The following ELP2 variants were observed in gnomAD, a reference collection of about 807,000 sequenced individuals.
ELP2 encodes elongator complex protein 2.
ELP2 carries 90 observed loss-of-function variants against 119.2 expected under a neutral mutation model. That is an observed-to-expected ratio of 0.75 (90% CI 0.64 to 0.90). The LOEUF (loss-of-function observed/expected upper bound fraction) is 0.90, where lower values mean the gene tolerates loss of function less well. Among genes scored for constraint, ELP2 ranks in the 40% least tolerant of loss-of-function variants. The pLI is 0.00. For missense variants in ELP2, 921 were observed against 967.8 expected (o/e 0.95, Z 0.64); for synonymous variants, 339 against 331.0 (o/e 1.02, Z -0.26).
At chr18:36,155,404 A>G (rs1249165929) in intron 12 of ELP2, among the ~76,000 whole-genome samples, 1 of 152,136 alleles carries the variant, frequency 6.6e-6, no homozygotes, top group Non-Finnish European at 1.5e-5. Flanking sequence ...CATTAGGAAA[A>G]TGCAAATTAG....
chr18:36,162,460 A>G (rs2090769749), intron 17 of ELP2, among the ~76,000 whole-genome samples: 1 of 152,124 alleles, frequency 6.6e-6, no homozygotes, highest in Non-Finnish European at 1.5e-5. Flanking sequence ...TTGTTGATCC[A>G]TTCACTTATT....
chr18:36,137,604 A>G (rs933494437), intron 3 of ELP2, among the ~76,000 whole-genome samples: 23 of 152,178 alleles, frequency 1.5e-4, no homozygotes, highest in Admixed American at 1.2e-3. Context: ...AGTAGAAGGG[A>G]TGCCAGAGGG....
chr18:36,145,834 A>T, intron 9 of ELP2, 114 bp from the exon 10 acceptor site: 1 of 894,572 alleles, frequency 1.1e-6, no homozygotes, highest in Non-Finnish European at 1.9e-6. Context: ...TTGCTATTAC[A>T]AATAATGTGC....
rs77383693 is a variant in ELP2, at chr18:36,150,237, A to G, written c.1125+3856A>G. Among the ~76,000 whole-genome samples the G allele has an allele frequency of 3.9e-3, 601 of 152,302 alleles. 5 individuals are homozygous for G. The highest frequency in any genetic ancestry group is 0.014 in the African/African-American group (577 of 41,564). ...TGGCATTATGTGCCTTGGAATTGCC[A>G]TCTACTAACCCAGCAGCTCTTGAGA... is the stretch of plus-strand genomic sequence containing the variant. On this transcript the variant is annotated intron_variant, in intron 11 of 21. Transcript: ENST00000358232.
intron 18 of ELP2, 116 bp downstream of exon 18, chr18:36,164,783 T>C: frequency 1.0e-6 from 1 of 1,004,800 alleles, no homozygotes; most frequent in Non-Finnish European, 1.5e-6. Context: ...GCCTCATGTC[T>C]TTGAAGCCTT....
At chr18:36,133,893 AG>A (rs2089727176) in intron 2 of ELP2, among the ~76,000 whole-genome samples, 6 of 41,034 alleles carry the variant, frequency 1.5e-4, no homozygotes, top group African/African-American at 2.8e-4. Context: ...CTAGTTTTTT[AG>A]GGGTTTTTTT....
chr18:36,132,238 T>C (rs1321978760), intron 1 of ELP2, among the ~76,000 whole-genome samples: 1 of 152,174 alleles, frequency 6.6e-6, no homozygotes, highest in Non-Finnish European at 1.5e-5. Flanking sequence ...AATGCTAAAA[T>C]AAAGTTTTGG....
chr18:36,134,719 C>T (rs1030163493), intron 2 of ELP2, among the ~76,000 whole-genome samples: 1 of 152,158 alleles, frequency 6.6e-6, no homozygotes, highest in Non-Finnish European at 1.5e-5. Context: ...AGATTATCTC[C>T]AGGTCTCTTC....
chr18:36,144,805 CT>C (rs1567987735), intron 8 of ELP2, 133 bp from the exon 9 acceptor site: 5 of 693,686 alleles, frequency 7.2e-6, no homozygotes, highest in South Asian at 1.7e-5. Context: ...AATGCATGTT[CT>C]TTTTTTGAAT....
At position 36,175,396 on chromosome 18, in the gene ELP2, C is replaced by CT. The variant is rs1415002747; in HGVS notation, c.*755_*756insT. The CT allele has an allele frequency of 6.6e-6, 1 of 152,200 alleles. No homozygotes were observed. The highest frequency in any genetic ancestry group is 1.5e-5 in the Non-Finnish European group (1 of 68,046). 9.4% of individuals were successfully genotyped at this position (152,200 alleles called of 1,614,324 possible). A position where few individuals can be genotyped will look rare whatever the true frequency, so the allele number is the denominator to read the frequency against. On this transcript the variant is annotated 3_prime_UTR_variant, in exon 22 of 22. Coordinates refer to ENST00000358232, the MANE Select transcript of ELP2 (RefSeq NM_018255.4). ...TCTGTCTTGATCCCCTTCTTTCTAG[C>CT]ATCTGCCAGACATTGTAGAGTTTCG...
At position 36,131,511 on chromosome 18, in the gene ELP2, G is replaced by A. The variant is rs1598727001; in HGVS notation, c.138+1440G>A. 2.6e-5 allele frequency among the ~76,000 whole-genome samples: 4 copies of A among 152,242 alleles called. No homozygotes were observed. The South Asian group carries it at 8.3e-4, about 31-fold the overall frequency. On this transcript the variant is annotated intron_variant, in intron 1 of 21. Coordinates refer to ENST00000358232, the MANE Select transcript of ELP2 (RefSeq NM_018255.4). ...GGACCCTAAGAGGGGCGGCCATAGG[G>A]GTGGAGTTGTCAGGGAAGCAGGAGC...
intron 16 of ELP2, 47 bp from the exon 17 acceptor site, chr18:36,160,885 G>T (rs1253977357): frequency 1.6e-6 from 2 of 1,268,350 alleles, no homozygotes; most frequent in South Asian, 1.2e-5. Context: ...TGTGGCATGA[G>T]AATAGATTCA....
At chr18:36,131,200 G>A (rs560761432) in intron 1 of ELP2, among the ~76,000 whole-genome samples, 27 of 152,230 alleles carry the variant, frequency 1.8e-4, no homozygotes, top group African/African-American at 5.3e-4. Flanking sequence ...CACACCCTTT[G>A]GAGATTCAAA....
In ELP2 at chr18:36,169,941, A is replaced by G. The variant is rs1172309543; in HGVS notation, c.2077-122A>G. The G allele has an allele frequency of 7.0e-6, 9 of 1,281,058 alleles. No homozygotes were observed. The South Asian group carries it at 8.6e-5, about 12-fold the overall frequency. 79.4% of individuals were successfully genotyped at this position (1,281,058 alleles called of 1,614,324 possible). On this transcript the variant is annotated intron_variant, in intron 19 of 21. Transcript: ENST00000358232. ...TCCTGGCACACCATACACGAATGTAATGATGCATTTTTTAAAATACCAGAG... is the reference window on the plus strand; with the variant it reads ...TCCTGGCACACCATACACGAATGTAGTGATGCATTTTTTAAAATACCAGAG...
intron 8 of ELP2, among the ~76,000 whole-genome samples, chr18:36,143,774 T>C (rs1017976347): frequency 3.4e-4 from 51 of 152,222 alleles, no homozygotes; most frequent in African/African-American, 1.2e-3. Context: ...CTAAACCATA[T>C]TAGTAAGATT....
rs2089539643 is a variant in ELP2, at chr18:36,130,067, C to T, written c.134C>T (p.Pro45Leu). 6 of 1,614,020 alleles carry T rather than the reference C, an allele frequency of 3.7e-6. No individual in the cohort carries two copies. The highest frequency in any genetic ancestry group is 1.3e-5 in the African/African-American group (1 of 74,904). The stretch of plus-strand genomic sequence containing the variant: ...TCCTGCTCCGTGGTGCTCTATGACC[C>T]CCTGGTAAGAGAGGTCGCTGGACGG... ...GTSCSVVLYD[P>L]LKRVVVTNLN... The change falls in exon 1 of 22, where the codon CCC becomes CTC. Residue 45 changes from proline (P) to leucine (L), a missense_variant. Pro to Leu is a moderately conservative substitution (Grantham distance 98). Transcript: ENST00000358232.
chr18:36,138,405 T>C lies in ELP2; in HGVS notation c.424T>C (p.Trp142Arg). The change falls in exon 4 of 22, where the codon TGG becomes CGG. Residue 142 changes from tryptophan to arginine, a missense_variant. Trp to Arg is a moderately radical substitution (Grantham distance 101, BLOSUM62 -3). Coordinates refer to ENST00000358232, the MANE Select transcript of ELP2 (RefSeq NM_018255.4). ...SAAADSAVRL[W>R]SKKGPEVMCL... is the part of the protein sequence containing the mutation. Reference sequence around the variant, plus strand: ...AGCTGCAGATTCTGCTGTTCGACTCTGGTCTAAAAAGGGTCCAGAAGGTAG... The same window carrying C: ...AGCTGCAGATTCTGCTGTTCGACTCCGGTCTAAAAAGGGTCCAGAAGGTAG... The C allele has an allele frequency of 1.2e-6, 2 of 1,614,096 alleles. No individual in the cohort carries two copies. The highest frequency in any genetic ancestry group is 1.7e-6 in the Non-Finnish European group (2 of 1,180,012).
In ELP2 at chr18:36,177,917, G is replaced by A. The variant is rs983333537; in HGVS notation, c.*3276G>A. 1 of 152,120 alleles carries A rather than the reference G, an allele frequency of 6.6e-6. No individual in the cohort carries two copies. The highest frequency in any genetic ancestry group is 2.4e-5 in the African/African-American group (1 of 41,414). 9.4% of individuals were successfully genotyped at this position (152,120 alleles called of 1,614,324 possible). On this transcript the variant is annotated 3_prime_UTR_variant, in exon 22 of 22. Transcript: ENST00000358232. ...AAAGCCTTTAAATAAAATGTTAATG[G>A]TAGAAACTCCTTAAGGGGTGTTCAC...
Position 36,154,709 on chromosome 18 carries a change from T to C in ELP2, c.1126-141T>C. The C allele has an allele frequency of 7.2e-6, 6 of 831,780 alleles. No individual in the cohort carries two copies. The South Asian group carries it at 8.8e-5, about 12-fold the overall frequency. The allele number at this position is 831,780 out of a possible 1,614,324, so 51.5% of individuals were successfully genotyped here. ...ATGATTGATTGGAAAATGGATCCTATTATTCTGTGATCCGATCTTGTATAC... is the reference window on the plus strand; with the variant it reads ...ATGATTGATTGGAAAATGGATCCTACTATTCTGTGATCCGATCTTGTATAC... On this transcript the variant is annotated intron_variant, in intron 11 of 21. Coordinates refer to ENST00000358232, the MANE Select transcript of ELP2 (RefSeq NM_018255.4).
Sources: gnomAD v4.1 joint callset for allele counts (sites outside exome capture counted in the v4.1 genomes callset) on GRCh38, gnomAD v4.1.1 for gene constraint, MANE v1.5 for transcripts, NCBI Gene and HGNC (gene_info 2026-07-23, HGNC 2026-07-21) for gene names.